Variants in PARN observed in about 807,000 individuals in gnomAD.
PARN encodes the protein poly(A)-specific ribonuclease PARN.
PARN carries 71 observed loss-of-function variants against 102.8 expected under a neutral mutation model. That is an observed-to-expected ratio of 0.69 (90% confidence interval 0.57 to 0.84). The LOEUF is 0.84. PARN is among the 40% of genes least tolerant of loss of function. PARN has a pLI of 0.00. For synonymous variants in PARN, 261 were observed against 252.9 expected (o/e 1.03, Z -0.30); for missense variants, 782 against 760.9 (o/e 1.03, Z -0.33).
chr16:14,436,798 G>C (rs765705364), intron 23 of PARN, 26 bp from the exon 24 acceptor site: 1 of 1,541,842 alleles, frequency 6.5e-7, no homozygotes, highest in Non-Finnish European at 8.8e-7. Context: ...AAAACAATAT[G>C]AACAGCAGGA....
intron 19 of PARN, among the ~76,000 whole-genome samples, chr16:14,554,970 C>T (rs1490165851): frequency 6.6e-6 from 1 of 152,212 alleles, no homozygotes; most frequent in African/African-American, 2.4e-5. Context: ...ACCACTCTAA[C>T]CACTCTGGAC....
intron 18 of PARN, among the ~76,000 whole-genome samples, chr16:14,561,579 A>G (rs1288552059): frequency 6.6e-6 from 1 of 152,198 alleles, no homozygotes; most frequent in African/African-American, 2.4e-5. Flanking sequence ...CGGGAGGCAG[A>G]AGTGGGAGAA....
rs1256491127 is a variant in PARN at position 14,464,632 on chromosome 16, C to G, written c.1671-17551G>C. ...ATTAGCCAGGCGTGGTGGCGCACACCTGTAATCCCAGCTACTGAGAGGCTG... is the reference window on the plus strand; with the variant it reads ...ATTAGCCAGGCGTGGTGGCGCACACGTGTAATCCCAGCTACTGAGAGGCTG... On this transcript the variant is annotated intron_variant, in intron 22 of 23. Transcript: ENST00000437198. 6.6e-5 allele frequency among the ~76,000 whole-genome samples: 10 copies of G among 152,068 alleles called. No individual in the cohort carries two copies. In the East Asian group the frequency reaches 1.7e-3, roughly 26 times the overall value.
At chr16:14,561,403 T>C (rs1247201077) in intron 18 of PARN, among the ~76,000 whole-genome samples, 1 of 152,064 alleles carries the variant, frequency 6.6e-6, no homozygotes, top group Admixed American at 6.5e-5. Flanking sequence ...AATCACCGAG[T>C]TAACAGGAAA....
At position 14,613,840 on chromosome 16, in the gene PARN, T is replaced by C. The variant is rs557761355; in HGVS notation, c.389-3031A>G. Reference sequence around the variant, plus strand: ...TATGATACACGGAGAAGAATACACATAGAGGAGAAGCGGGAAGGCAACAGA... The same window carrying C: ...TATGATACACGGAGAAGAATACACACAGAGGAGAAGCGGGAAGGCAACAGA... On this transcript the variant is annotated intron_variant, in intron 6 of 23. Transcript: ENST00000437198. 7.2e-5 allele frequency among the ~76,000 whole-genome samples: 11 copies of C among 151,864 alleles called. No individual in the cohort carries two copies. The East Asian group carries it at 7.7e-4, about 11-fold the overall frequency.
At chr16:14,601,636 G>T (rs1271910306) in intron 11 of PARN, among the ~76,000 whole-genome samples, 6 of 150,880 alleles carry the variant, frequency 4.0e-5, no homozygotes, top group Non-Finnish European at 8.8e-5. Flanking sequence ...AAATTTTTTT[G>T]GGGGGGTCAG....
At chr16:14,491,444 G>A (rs1160261988) in intron 21 of PARN, among the ~76,000 whole-genome samples, 1 of 151,918 alleles carries the variant, frequency 6.6e-6, no homozygotes, top group Non-Finnish European at 1.5e-5. Context: ...AGTTTTCCAG[G>A]AATTCAACAT....
Position 14,629,682 on chromosome 16 carries a change from G to A in PARN, c.20-8C>T, listed in dbSNP as rs747888634. ...GAAGATTACTCTTAAAATCTGCGGAGAAACCGAAAAGAGGCTCAGAACCAG... is the reference window on the plus strand; with the variant it reads ...GAAGATTACTCTTAAAATCTGCGGAAAAACCGAAAAGAGGCTCAGAACCAG... On this transcript the variant is annotated splice_polypyrimidine_tract_variant and splice_region_variant and intron_variant, in intron 1 of 23. Transcript: ENST00000437198. 1.2e-6 allele frequency: 2 copies of A among 1,607,598 alleles called. No homozygotes were observed. The highest frequency in any genetic ancestry group is 1.1e-5 in the South Asian group (1 of 90,970).
intron 21 of PARN, among the ~76,000 whole-genome samples, chr16:14,546,729 G>C (rs1376905359): frequency 1.3e-5 from 2 of 152,148 alleles, no homozygotes; most frequent in Non-Finnish European, 2.9e-5. Context: ...ATATTGTTGA[G>C]CTCTTCCCCA....
intron 16 of PARN, among the ~76,000 whole-genome samples, chr16:14,584,118 A>C (rs1194138718): frequency 1.3e-5 from 2 of 152,244 alleles, no homozygotes; most frequent in Non-Finnish European, 2.9e-5. Context: ...TTTAATTGCT[A>C]AAATTCTCAA....
At chr16:14,568,656 T>G (rs529687578) in intron 18 of PARN, among the ~76,000 whole-genome samples, 1 of 151,864 alleles carries the variant, frequency 6.6e-6, no homozygotes, top group East Asian at 2.0e-4. Flanking sequence ...ACGTCTGTAA[T>G]CCCAGCACTT....
chr16:14,626,903 C>T (rs961159172), intron 5 of PARN, among the ~76,000 whole-genome samples: 20 of 152,086 alleles, frequency 1.3e-4, no homozygotes, highest in Admixed American at 7.9e-4. Flanking sequence ...AGGCATGAGC[C>T]GCCGTACCTG....
chr16:14,484,178 G>A (rs1963533508), intron 21 of PARN, among the ~76,000 whole-genome samples: 1 of 152,210 alleles, frequency 6.6e-6, no homozygotes, highest in African/African-American at 2.4e-5. Context: ...AGCAGTACTT[G>A]AACACTGGGG....
intron 12 of PARN, among the ~76,000 whole-genome samples, 160 bp from the exon 13 acceptor site, chr16:14,593,538 A>G (rs1970330755): frequency 6.7e-6 from 1 of 148,796 alleles, no homozygotes. Context: ...AAATAAGCTA[A>G]TTTGGGCTGG....
Position 14,586,267 on chromosome 16 carries a change from G to A in PARN, c.962+51C>T, listed in dbSNP as rs184289358. ...GGTGGGATTATAGGTGTGAGCCACCGTGCCCAGCCAACTTTTTTAAAAGAA... is the reference window on the plus strand; with the variant it reads ...GGTGGGATTATAGGTGTGAGCCACCATGCCCAGCCAACTTTTTTAAAAGAA... On this transcript the variant is annotated intron_variant, in intron 14 of 23. Transcript: ENST00000437198. 104 of 1,110,214 alleles carry A rather than the reference G, an allele frequency of 9.4e-5. No homozygotes were observed. The East Asian group carries it at 1.6e-3, about 17-fold the overall frequency. 68.8% of individuals were successfully genotyped at this position (1,110,214 alleles called of 1,614,324 possible).
chr16:14,628,779 C>T (rs997761374), intron 2 of PARN, among the ~76,000 whole-genome samples: 1 of 152,166 alleles, frequency 6.6e-6, no homozygotes, highest in Non-Finnish European at 1.5e-5. Flanking sequence ...TGCATGGATT[C>T]CTTCATGATT....
intron 21 of PARN, among the ~76,000 whole-genome samples, chr16:14,489,276 A>G (rs752645054): frequency 6.6e-6 from 1 of 152,064 alleles, no homozygotes; most frequent in Non-Finnish European, 1.5e-5. Flanking sequence ...TGGTGGTTTC[A>G]CAGATGTGCA....
chr16:14,532,604 C>A (rs2151672147), intron 21 of PARN, among the ~76,000 whole-genome samples: 1 of 152,216 alleles, frequency 6.6e-6, no homozygotes, highest in Admixed American at 6.5e-5. Context: ...ATTTCTCAAT[C>A]CTTTCCCCAC....
At chr16:14,447,112 G>C in intron 22 of PARN, 31 bp from the exon 23 acceptor site, 1 of 1,507,720 alleles carries the variant, frequency 6.6e-7, no homozygotes, top group Non-Finnish European at 9.1e-7. Context: ...CAACATAAAA[G>C]GTGCTGAGAG....
Sources: allele counts gnomAD v4.1 joint callset (sites outside exome capture counted in the v4.1 genomes callset), GRCh38; gene constraint gnomAD v4.1.1; transcripts MANE v1.5; gene names NCBI Gene and HGNC (gene_info 2026-07-23, HGNC 2026-07-21).